The following NMU variants were observed in gnomAD, a reference collection of about 807,000 sequenced individuals.
The protein encoded by NMU is neuromedin-U.
NMU carries 29 observed loss-of-function variants against 35.4 expected under a neutral mutation model. The ratio of observed to expected loss-of-function variants is 0.82; its 90% CI spans 0.61 to 1.12. The LOEUF (loss-of-function observed/expected upper bound fraction) is 1.12. Ranked by LOEUF, NMU falls within the 50% of genes most tolerant of loss-of-function variation. The pLI, the probability that NMU is intolerant of heterozygous loss-of-function variation, is 0.00. For synonymous variants in NMU, 78 were observed against 81.3 expected (o/e 0.96, Z 0.22); for missense variants, 199 against 206.2 (o/e 0.97, Z 0.21).
intron 2 of NMU, among the ~76,000 whole-genome samples, chr4:55,628,587 T>A (rs28694060): frequency 5.9e-5 from 9 of 151,770 alleles, no homozygotes; most frequent in Non-Finnish European, 1.2e-4. Context: ...CAACCTCCGC[T>A]TCCCAGGCTC....
chr4:55,603,798 G>C (rs1456876615), intron 7 of NMU, among the ~76,000 whole-genome samples: 2 of 149,738 alleles, frequency 1.3e-5, no homozygotes, highest in Admixed American at 6.6e-5. Flanking sequence ...TGTGATCCCA[G>C]CTCCTCGGGA....
At chr4:55,603,634 C>G (rs1379600615) in intron 7 of NMU, among the ~76,000 whole-genome samples, 1 of 151,586 alleles carries the variant, frequency 6.6e-6, no homozygotes, top group Non-Finnish European at 1.5e-5. Flanking sequence ...TCCTAGAGGC[C>G]GGGCGCAGTG....
intron 7 of NMU, among the ~76,000 whole-genome samples, chr4:55,602,703 A>T (rs528719588): frequency 6.6e-6 from 1 of 152,230 alleles, no homozygotes; most frequent in Non-Finnish European, 1.5e-5. Flanking sequence ...GAGTTTGATG[A>T]CAACTGCTTT....
chr4:55,619,206 G>C (rs911170782), intron 2 of NMU, among the ~76,000 whole-genome samples: 19 of 151,462 alleles, frequency 1.3e-4, no homozygotes, highest in African/African-American at 4.6e-4. Context: ...AGCTCCCAGC[G>C]TGAGCGACGC....
At chr4:55,625,169 TAAAAAAAAAAA>T (rs760890031) in intron 2 of NMU, among the ~76,000 whole-genome samples, 1 of 98,344 alleles carries the variant, frequency 1.0e-5, no homozygotes, top group Non-Finnish European at 1.9e-5. Flanking sequence ...AAAGTATAAT[TAAAAAAAAAAA>T]AAAAAAAAAA....
At chr4:55,633,003 A>C (rs1420325191) in intron 1 of NMU, among the ~76,000 whole-genome samples, 1 of 60,792 alleles carries the variant, frequency 1.6e-5, no homozygotes, top group Admixed American at 1.6e-4. Context: ...AACAAAATTA[A>C]AAAAAAATTC....
At chr4:55,626,383 C>T (rs997877435) in intron 2 of NMU, among the ~76,000 whole-genome samples, 3 of 152,128 alleles carry the variant, frequency 2.0e-5, no homozygotes, top group Admixed American at 1.3e-4. Context: ...GAAAAGCAAC[C>T]CCTTACCAGT....
At chr4:55,635,588 T>A (rs1715864159) in intron 1 of NMU, among the ~76,000 whole-genome samples, 1 of 152,226 alleles carries the variant, frequency 6.6e-6, no homozygotes, top group African/African-American at 2.4e-5. Flanking sequence ...TATCTCAGCA[T>A]AACACTAGCT....
Position 55,607,459 on chromosome 4 carries a change from T to A in NMU, c.287A>T (p.Asp96Val), listed in dbSNP as rs781340873. 1.7e-5 allele frequency: 17 copies of A among 981,286 alleles called. No individual in the cohort carries two copies. The highest frequency in any genetic ancestry group is 3.9e-5 in the Admixed American group (2 of 50,708). The allele number at this position is 981,286 out of a possible 1,614,324, so 60.8% of individuals were successfully genotyped here. Residue 96 changes from aspartate to valine, a missense_variant, in exon 5 of 10, where the codon GAT becomes GTT. Transcript: ENST00000264218. Reference sequence around the variant, plus strand: ...TACCCTTTTAGTATTATCTTTTTCATCTTGTTCCTATTGAAAAGAGATATT... The same window carrying A: ...TACCCTTTTAGTATTATCTTTTTCAACTTGTTCCTATTGAAAAGAGATATT... ...MGMLPKPQEQ[D>V]EKDNTKRFLF...
rs1352539220 is a variant in NMU, at chr4:55,604,537, T to TC, written c.435+737_435+738insG. On this transcript the variant is annotated intron_variant, in intron 7 of 9. Coordinates refer to ENST00000264218, the MANE Select transcript of NMU (RefSeq NM_006681.4). Reference sequence around the variant, plus strand: ...TACTTCACGACCCAAACTCTTACTTTTTTTTTTTTTTTTGAGACGGAGTCT... The same window carrying TC: ...TACTTCACGACCCAAACTCTTACTTTCTTTTTTTTTTTTTGAGACGGAGTCT... 8.1e-5 allele frequency among the ~76,000 whole-genome samples: 12 copies of TC among 148,832 alleles called. No homozygotes were observed. The East Asian group carries it at 2.0e-3, about 24-fold the overall frequency.
upstream of NMU, chr4:55,636,354 G>A: frequency 9.1e-7 from 1 of 1,100,130 alleles, no homozygotes; most frequent in Non-Finnish European, 1.2e-6. The surrounding 1 kb of genome is among the most constrained non-coding windows in gnomAD (Gnocchi z 4.0). Flanking sequence ...GCTGGGCTGC[G>A]CGGTCCCCGC....
intron 6 of NMU, 139 bp from the exon 7 acceptor site, chr4:55,605,488 C>T (rs1289032229): frequency 6.8e-6 from 5 of 730,878 alleles, no homozygotes; most frequent in Non-Finnish European, 1.0e-5. Context: ...TCACCTAAAA[C>T]AGGTCTTTGG....
intron 9 of NMU, among the ~76,000 whole-genome samples, 152 bp from the exon 10 acceptor site, chr4:55,595,563 T>TATATATATATATACAC (rs755203914): frequency 0.015 from 1,757 of 119,888 alleles, 25 homozygotes; most frequent in East Asian, 0.036. Flanking sequence ...TATATATATA[T>TATATATATATATACAC]ACACACACAC....
chr4:55,628,614 T>A (rs911737106), intron 2 of NMU, among the ~76,000 whole-genome samples: 22 of 152,196 alleles, frequency 1.4e-4, no homozygotes, highest in Non-Finnish European at 2.9e-4. Flanking sequence ...TTCTCTTGCC[T>A]CAGCCTCCTG....
intron 2 of NMU, among the ~76,000 whole-genome samples, chr4:55,622,026 G>T (rs1734369634): frequency 9.3e-6 from 1 of 107,882 alleles, no homozygotes; most frequent in Non-Finnish European, 1.9e-5. Flanking sequence ...AGTGTGTAGA[G>T]GGAAATTTAT....
chr4:55,603,429 A>G (rs73236158), intron 7 of NMU, among the ~76,000 whole-genome samples: 6,502 of 152,242 alleles, frequency 0.043, 207 homozygotes, highest in Non-Finnish European at 0.069. Context: ...CAGAATTCAG[A>G]AAACTATTTT....
chr4:55,630,259 T>C, intron 2 of NMU, 143 bp downstream of exon 2: 1 of 731,264 alleles, frequency 1.4e-6, no homozygotes, highest in Non-Finnish European at 2.3e-6. Flanking sequence ...TTCTCTTTTA[T>C]TTAATAAAAA....
chr4:55,620,098 C>A (rs548740383), intron 2 of NMU, among the ~76,000 whole-genome samples: 2 of 85,894 alleles, frequency 2.3e-5, no homozygotes. Flanking sequence ...AACTCTAAAA[C>A]GCAGAGCGCC....
At chr4:55,609,304 G>T in intron 3 of NMU, 125 bp from the exon 4 acceptor site, 1 of 734,186 alleles carries the variant, frequency 1.4e-6, no homozygotes, top group East Asian at 2.7e-5. Context: ...TCCTTCTGTA[G>T]ATTATTAAAA....
Sources: allele counts gnomAD v4.1 joint callset (sites outside exome capture counted in the v4.1 genomes callset), GRCh38; gene constraint gnomAD v4.1.1; non-coding constraint Gnocchi (gnomAD v3.1); transcripts MANE v1.5; gene names NCBI Gene and HGNC (gene_info 2026-07-23, HGNC 2026-07-21).